Variants in DNAH7 observed in about 807,000 individuals in gnomAD.
The protein encoded by DNAH7 is dynein axonemal heavy chain 7.
Under a neutral mutation model 444.6 loss-of-function variants are expected in DNAH7, and 397 were observed. That is an observed-to-expected ratio of 0.89 (90% confidence interval 0.82 to 0.97). The LOEUF (loss-of-function observed/expected upper bound fraction) is 0.97, where lower values mean the gene tolerates loss of function less well. Ranked by LOEUF, DNAH7 falls within the 50% of genes least tolerant of loss-of-function variation. The pLI is 0.00. For synonymous variants in DNAH7, 1,636 were observed against 1,624.4 expected (o/e 1.01, Z -0.17); for missense variants, 4,902 against 4,800.8 (o/e 1.02, Z -0.62).
chr2:195,946,481 C>A (rs896941144), intron 19 of DNAH7, among the ~76,000 whole-genome samples: 1 of 152,054 alleles, frequency 6.6e-6, no homozygotes, highest in Non-Finnish European at 1.5e-5. Flanking sequence ...CTGTCTACCC[C>A]GGATTAATCT....
intron 58 of DNAH7, among the ~76,000 whole-genome samples, chr2:195,783,915 CTTT>C (rs930456600): frequency 5.4e-5 from 8 of 147,594 alleles, no homozygotes; most frequent in Non-Finnish European, 1.1e-4. Flanking sequence ...CTGATTTGTA[CTTT>C]TTTTTTTTAA....
At chr2:195,873,326 C>A (rs567856038) in intron 39 of DNAH7, among the ~76,000 whole-genome samples, 1 of 152,284 alleles carries the variant, frequency 6.6e-6, no homozygotes, top group East Asian at 1.9e-4. Flanking sequence ...TAATTGAACT[C>A]AGTGGTGAAA....
intron 58 of DNAH7, among the ~76,000 whole-genome samples, chr2:195,784,435 T>C (rs1012230271): frequency 6.6e-6 from 1 of 152,212 alleles, no homozygotes; most frequent in African/African-American, 2.4e-5. Flanking sequence ...TTTAATAGCT[T>C]ATTTCTTTTT....
chr2:195,960,793 C>T lies in DNAH7; in HGVS notation c.2358G>A (p.Gly786=). Residue 786 remains glycine (G), a synonymous_variant, in exon 18 of 65, where the codon GGG becomes GGA. Transcript: ENST00000312428. ...FSSNYRAWTE[G]PYHKVNPDQV... ...GGTCTGGATTCACTTTATGATATGG[C>T]CCTTCTGTCCATGCTCTATAGTTGC... 3 of 1,614,066 alleles carry T rather than the reference C, an allele frequency of 1.9e-6. No homozygotes were observed. The highest frequency in any genetic ancestry group is 2.2e-5 in the East Asian group (1 of 44,878).
At position 196,026,900 on chromosome 2, in the gene DNAH7, T is replaced by C; in HGVS notation, c.527A>G (p.His176Arg). Residue 176 changes from histidine to arginine, a missense_variant, in exon 7 of 65, where the codon CAT becomes CGT. Physicochemically the swap from His to Arg is conservative, Grantham distance 29 (BLOSUM62 0). Coordinates refer to ENST00000312428, the MANE Select transcript of DNAH7 (RefSeq NM_018897.3). ...YYIHHGIDTDHVAPMEDSWLE... is the reference protein window; with the variant it reads ...YYIHHGIDTDRVAPMEDSWLE... ...CCAAGAATCTTCCATTGGGGCTACA[T>C]GGTCTGTATCAATTCCATGGTGAAT... 6.2e-7 allele frequency: 1 copy of C among 1,612,230 alleles called. No homozygotes were observed. Among genetic ancestry groups the C allele is most frequent in the Non-Finnish European group, 8.5e-7 (1 of 1,178,702 alleles).
intron 24 of DNAH7, among the ~76,000 whole-genome samples, chr2:195,917,178 A>C (rs1374529706): frequency 6.6e-6 from 1 of 152,134 alleles, no homozygotes; most frequent in Non-Finnish European, 1.5e-5. Context: ...ATCTCAAAAA[A>C]AAAAAGAAAT....
At chr2:196,064,986 T>C (rs1698345160) in intron 1 of DNAH7, among the ~76,000 whole-genome samples, 1 of 152,224 alleles carries the variant, frequency 6.6e-6, no homozygotes, top group African/African-American at 2.4e-5. Flanking sequence ...AATATATATG[T>C]GCATCTCTGT....
At position 195,809,770 on chromosome 2, in the gene DNAH7, A is replaced by G; in HGVS notation, c.9863T>C (p.Ile3288Thr). The G allele has an allele frequency of 6.3e-7, 1 of 1,598,474 alleles. No individual in the cohort carries two copies. Among genetic ancestry groups the G allele is most frequent in the South Asian group, 1.1e-5 (1 of 88,258 alleles). Reference protein sequence around the residue: ...DKLLFSFCLTINLLLHERAIN... With the variant: ...DKLLFSFCLTTNLLLHERAIN... ...CGCCCGCTCATGCAGCAGTAGATTTATGGTTAGACAAAAGGAAAAGAGCAG... is the reference window on the plus strand; with the variant it reads ...CGCCCGCTCATGCAGCAGTAGATTTGTGGTTAGACAAAAGGAAAAGAGCAG... Residue 3288 changes from isoleucine to threonine, a missense_variant, in exon 52 of 65, where the codon ATA becomes ACA. By Grantham distance (89) the Ile-to-Thr change is moderately conservative. Transcript: ENST00000312428.
chr2:195,739,499 A>G (rs1221651684), intron 64 of DNAH7, among the ~76,000 whole-genome samples: 3 of 152,206 alleles, frequency 2.0e-5, no homozygotes, highest in Non-Finnish European at 4.4e-5. Context: ...TATAGATTGA[A>G]TCTTAATTAT....
At chr2:195,815,847 G>T (rs568024717) in intron 51 of DNAH7, among the ~76,000 whole-genome samples, 1 of 152,156 alleles carries the variant, frequency 6.6e-6, no homozygotes, top group East Asian at 1.9e-4. Flanking sequence ...CTAAAAATTA[G>T]CCGGGCATGG....
chr2:195,903,466 T>C (rs1446362028), intron 27 of DNAH7: 2 of 152,270 alleles, frequency 1.3e-5, no homozygotes, highest in Non-Finnish European at 2.9e-5. Flanking sequence ...TTAGGAGATC[T>C]AGAATGTGTC....
chr2:195,808,362 G>A (rs549800521), intron 53 of DNAH7, among the ~76,000 whole-genome samples: 1 of 152,270 alleles, frequency 6.6e-6, no homozygotes, highest in East Asian at 1.9e-4. Context: ...AACAACAGCT[G>A]TTCCATAAAC....
rs1381172014 is a variant in DNAH7, at chr2:195,771,512, C to T, written c.11433+148G>A. 10 of 650,978 alleles carry T rather than the reference C, an allele frequency of 1.5e-5. No individual in the cohort carries two copies. In the South Asian group the frequency reaches 2.0e-4, roughly 13 times the overall value. 40.3% of individuals were successfully genotyped at this position (650,978 alleles called of 1,614,324 possible). A position where few individuals can be genotyped will look rare whatever the true frequency, so the allele number is the denominator to read the frequency against. On this transcript the variant is annotated intron_variant, in intron 61 of 64. Transcript: ENST00000312428. ...CTCACTCCCAGAATTCTATAAGCTC[C>T]TCAAGGGCAAGAATTATTTTCTAAT...
At chr2:196,059,998 G>A (rs1204769152) in intron 1 of DNAH7, among the ~76,000 whole-genome samples, 2 of 152,070 alleles carry the variant, frequency 1.3e-5, no homozygotes, top group Admixed American at 6.5e-5. Context: ...GGCGGATCAC[G>A]AGGTCAGGAG....
chr2:195,869,019 TTAGTTC>T (rs2125113843), intron 40 of DNAH7, among the ~76,000 whole-genome samples: 1 of 152,136 alleles, frequency 6.6e-6, no homozygotes, highest in Non-Finnish European at 1.5e-5. Flanking sequence ...GGACTTTTCC[TTAGTTC>T]AGCTAAAGGT....
intron 27 of DNAH7, 124 bp from the exon 28 acceptor site, chr2:195,900,618 A>G: frequency 1.2e-6 from 1 of 845,420 alleles, no homozygotes; most frequent in South Asian, 1.7e-5. Flanking sequence ...ATAGAAGTAG[A>G]GAGTAAAATA....
chr2:195,766,167 ATTTTTTTTTT>A (rs755912873), intron 61 of DNAH7, among the ~76,000 whole-genome samples: 1 of 57,328 alleles, frequency 1.7e-5, no homozygotes, highest in Non-Finnish European at 3.7e-5. Flanking sequence ...GTGGGAGCTA[ATTTTTTTTTT>A]TTTTTTTTTT....
At chr2:195,879,534 T>A (rs529238338) in intron 36 of DNAH7, among the ~76,000 whole-genome samples, 3 of 152,298 alleles carry the variant, frequency 2.0e-5, no homozygotes, top group Admixed American at 1.3e-4. Context: ...TTTCATAAGC[T>A]ATCGTCAGGT....
chr2:195,976,747 C>CAGAGAGAGAGAGAGGGAGAGAGAGAG (rs1692217081), intron 15 of DNAH7, among the ~76,000 whole-genome samples: 1 of 90,542 alleles, frequency 1.1e-5, no homozygotes, highest in Non-Finnish European at 2.4e-5. Context: ...GAGAGGCAGA[C>CAGAGAGAGAGAGAGGGAGAGAGAGAG]AGAGAGAGAG....
Sources: allele counts gnomAD v4.1 joint callset (sites outside exome capture counted in the v4.1 genomes callset), GRCh38; gene constraint gnomAD v4.1.1; transcripts MANE v1.5; gene names NCBI Gene and HGNC (gene_info 2026-07-23, HGNC 2026-07-21).